The following HDAC9 variants were observed in gnomAD, a reference collection of about 807,000 sequenced individuals.
HDAC9 encodes MEF-2 interacting transcription repressor (MITR) protein.
A neutral mutation model predicts 139.4 loss-of-function variants in HDAC9; 41 were observed. That is an observed-to-expected ratio of 0.29 (90% CI 0.23 to 0.38). HDAC9 has a LOEUF of 0.38. HDAC9 is among the 10% of genes least tolerant of loss of function. The pLI, the probability that HDAC9 is intolerant of heterozygous loss-of-function variation, is 1.00. For missense variants in HDAC9, 1,147 were observed against 1,297.0 expected (o/e 0.88, Z 1.78); for synonymous variants, 517 against 476.2 (o/e 1.09, Z -1.12).
intron 1 of HDAC9, among the ~76,000 whole-genome samples, chr7:18,317,669 C>T (rs1437055181): frequency 6.6e-6 from 1 of 152,182 alleles, no homozygotes; most frequent in Admixed American, 6.5e-5. Context: ...GCTAAATCAA[C>T]TGCTGCCTAA....
At chr7:18,770,913 A>C (rs1219480712) in intron 16 of HDAC9, among the ~76,000 whole-genome samples, 1 of 152,158 alleles carries the variant, frequency 6.6e-6, no homozygotes, top group Non-Finnish European at 1.5e-5. Flanking sequence ...ATGATTTTAT[A>C]TAAGTTTGGG....
At chr7:18,169,908 C>A (rs943187415) in intron 2 of HDAC9, among the ~76,000 whole-genome samples, 4 of 152,068 alleles carry the variant, frequency 2.6e-5, no homozygotes, top group African/African-American at 9.7e-5. Flanking sequence ...CGAATAGTGC[C>A]GCAATAAACA....
intron 1 of HDAC9, among the ~76,000 whole-genome samples, chr7:18,477,000 T>G (rs1795160066): frequency 6.6e-6 from 1 of 152,108 alleles, no homozygotes; most frequent in Non-Finnish European, 1.5e-5. Flanking sequence ...CTAAGAAAAA[T>G]AATACTTACC....
chr7:18,831,596 C>G (rs2129207657), intron 19 of HDAC9, among the ~76,000 whole-genome samples: 1 of 152,224 alleles, frequency 6.6e-6, no homozygotes, highest in South Asian at 2.1e-4. Context: ...TCTGAGATCA[C>G]CACCAGCCCA....
intron 2 of HDAC9, among the ~76,000 whole-genome samples, chr7:18,273,154 G>A (rs1321322814): frequency 2.8e-5 from 4 of 142,852 alleles, no homozygotes; most frequent in Non-Finnish European, 4.5e-5. Flanking sequence ...CATCAAACTC[G>A]TGGACTTAAG....
At chr7:18,191,627 TTAAAAA>T (rs1301440635) in intron 2 of HDAC9, among the ~76,000 whole-genome samples, 1 of 152,172 alleles carries the variant, frequency 6.6e-6, no homozygotes, top group East Asian at 1.9e-4. Flanking sequence ...AGTTCAGAAA[TTAAAAA>T]TAAAAATGTG....
At chr7:18,533,488 G>C (rs1398275104) in intron 2 of HDAC9, among the ~76,000 whole-genome samples, 1 of 151,930 alleles carries the variant, frequency 6.6e-6, no homozygotes, top group East Asian at 1.9e-4. Flanking sequence ...TGATAGATTT[G>C]TATGACTGGG....
chr7:18,885,069 G>GCTT (rs1368903094), intron 22 of HDAC9, among the ~76,000 whole-genome samples: 1 of 152,186 alleles, frequency 6.6e-6, no homozygotes, highest in African/African-American at 2.4e-5. Flanking sequence ...GCAATACGTT[G>GCTT]GGAATTACAA....
chr7:18,666,668 G>T (rs1162375399), intron 12 of HDAC9, 192 bp downstream of exon 12: 6 of 1,389,924 alleles, frequency 4.3e-6, no homozygotes, highest in East Asian at 5.1e-5. Flanking sequence ...TCTATATACT[G>T]ATCTCTATAT....
chr7:18,766,507 C>G (rs1789844427), intron 15 of HDAC9, among the ~76,000 whole-genome samples: 1 of 152,064 alleles, frequency 6.6e-6, no homozygotes, highest in African/African-American at 2.4e-5. Flanking sequence ...TCATAGTGTA[C>G]TGTTTAAAAA....
intron 1 of HDAC9, among the ~76,000 whole-genome samples, chr7:18,298,386 G>C (rs542017338): frequency 2.0e-5 from 3 of 151,664 alleles, no homozygotes; most frequent in Non-Finnish European, 4.4e-5. Flanking sequence ...GCTACACCCA[G>C]TAACTCGTCA....
rs542375737 is a variant in HDAC9 at position 18,162,687 on chromosome 7, CAT to C, written c.25+339_25+340del. ...TTCACCTGTAATCTTTCTGTCCTAA[CAT>C]GTGTCTGTATGCTTTTAAATTATAC... On this transcript the variant is annotated intron_variant, in intron 2 of 12. Transcript: ENST00000417496. 1.7e-4 allele frequency: 43 copies of C among 251,304 alleles called. No individual in the cohort carries two copies. In the South Asian group the frequency reaches 2.1e-3, roughly 12 times the overall value. The allele number at this position is 251,304 out of a possible 1,614,324, so 15.6% of individuals were successfully genotyped here.
At chr7:18,685,458 G>T (rs1584838220) in intron 12 of HDAC9, among the ~76,000 whole-genome samples, 1 of 151,810 alleles carries the variant, frequency 6.6e-6, no homozygotes, top group African/African-American at 2.4e-5. Context: ...GATCTTCATC[G>T]AAAGACTATG....
At chr7:18,234,021 G>A (rs1047513511) in intron 2 of HDAC9, among the ~76,000 whole-genome samples, 1 of 152,030 alleles carries the variant, frequency 6.6e-6, no homozygotes, top group Non-Finnish European at 1.5e-5. Flanking sequence ...AATATGTAAG[G>A]GTTGCTTTCT....
rs1789465035 is a variant in HDAC9 at position 18,762,351 on chromosome 7, A to G, written c.2164+74A>G. On this transcript the variant is annotated intron_variant, in intron 15 of 25. Coordinates refer to ENST00000686413, the MANE Select transcript of HDAC9 (RefSeq NM_178425.4). ...CATTAGTCAACGCTGGTGTCAGTTC[A>G]AAATACTTGGCAAGTAGTGCAACAA... The G allele has an allele frequency of 1.9e-6, 3 of 1,543,756 alleles. No homozygotes were observed. In the South Asian group the frequency reaches 3.6e-5, roughly 18 times the overall value.
At chr7:18,824,854 CA>C in intron 17 of HDAC9, among the ~76,000 whole-genome samples, 1 of 152,038 alleles carries the variant, frequency 6.6e-6, no homozygotes, top group Non-Finnish European at 1.5e-5. Flanking sequence ...GGCAGGAATT[CA>C]AAAGGCAGCA....
At chr7:18,841,406 C>G (rs1397255186) in intron 21 of HDAC9, among the ~76,000 whole-genome samples, 4 of 151,912 alleles carry the variant, frequency 2.6e-5, no homozygotes, top group Non-Finnish European at 5.9e-5. Context: ...AATAATAACA[C>G]AGTAATATAG....
At chr7:18,983,586 G>T (rs921938529) in intron 25 of HDAC9, among the ~76,000 whole-genome samples, 1 of 151,970 alleles carries the variant, frequency 6.6e-6, no homozygotes. Context: ...CAGTTTTTTT[G>T]GATAGATAGC....
At chr7:18,407,303 G>A (rs1490923277) in intron 1 of HDAC9, among the ~76,000 whole-genome samples, 1 of 152,092 alleles carries the variant, frequency 6.6e-6, no homozygotes, top group Non-Finnish European at 1.5e-5. Context: ...AGAGTCATTT[G>A]TTCAAAATGT....
Sources: gnomAD v4.1 joint callset for allele counts (sites outside exome capture counted in the v4.1 genomes callset) on GRCh38, gnomAD v4.1.1 for gene constraint, MANE v1.5 for transcripts, NCBI Gene and HGNC (gene_info 2026-07-23, HGNC 2026-07-21) for gene names.